The following PYROXD2 variants were observed in gnomAD, a reference collection of about 807,000 sequenced individuals.
The protein encoded by PYROXD2 is pyridine nucleotide-disulfide oxidoreductase domain-containing protein 2.
PYROXD2 carries 69 observed loss-of-function variants against 71.1 expected under a neutral mutation model. The observed-to-expected ratio is 0.97, with a 90% CI of 0.80 to 1.19. PYROXD2 has a LOEUF of 1.19. Ranked by LOEUF, PYROXD2 falls within the 50% of genes most tolerant of loss-of-function variation. The pLI, the probability that PYROXD2 is intolerant of heterozygous loss-of-function variation, is 0.00. For synonymous variants in PYROXD2, 287 were observed against 302.7 expected, an observed-to-expected ratio of 0.95 and a Z score of 0.54; for missense variants, 745 against 748.9, an observed-to-expected ratio of 0.99 and a Z score of 0.06.
In PYROXD2 at chr10:98,402,915, C is replaced by T. The variant is rs1474409591; in HGVS notation, c.316-2658G>A. ...ACAGTGTAGTTAATAAGCATTCCGT[C>T]GACTCTGAATAAATGAATGCTAGGT... is the stretch of plus-strand genomic sequence containing the variant. On this transcript the variant is annotated intron_variant, in intron 4 of 15. Coordinates refer to ENST00000370575, the MANE Select transcript of PYROXD2 (RefSeq NM_032709.3). Among the ~76,000 whole-genome samples, 6 of 152,144 alleles carry T rather than the reference C, an allele frequency of 3.9e-5. No individual in the cohort carries two copies. The East Asian group carries it at 5.8e-4, about 15-fold the overall frequency.
At position 98,392,567 on chromosome 10, in the gene PYROXD2, C is replaced by T. The variant is rs1842982541; in HGVS notation, c.928-1G>A. 2 of 1,610,130 alleles carry T rather than the reference C, an allele frequency of 1.2e-6. No individual in the cohort carries two copies. The highest frequency in any genetic ancestry group is 1.7e-6 in the Non-Finnish European group (2 of 1,179,938). On this transcript the variant is annotated splice_acceptor_variant, in intron 9 of 15. Transcript: ENST00000370575. LOFTEE classifies it high-confidence loss of function. ...TGTTCACCTGCACCTTCGCCACTGT[C>T]TAGAGCCCACCAGAACAAGGCCCCA...
rs1247471618 is a variant in PYROXD2, at chr10:98,387,269, C to A, written c.1486G>T (p.Asp496Tyr). Residue 496 changes from aspartate to tyrosine, a missense_variant, in exon 14 of 16, where the codon GAC (aspartate) becomes TAC (tyrosine). By Grantham distance (160) the Asp-to-Tyr change is radical (BLOSUM62 -3). Coordinates refer to ENST00000370575, the MANE Select transcript of PYROXD2 (RefSeq NM_032709.3). ...AGGATGTCTCTGCCAACCACAGAGT[C>A]CTTGAAGCCAGGGGCATAGACCTCG... ...CIEVYAPGFK[D>Y]SVVGRDILTP... is the part of the protein sequence containing the mutation. 6.2e-7 allele frequency: 1 copy of A among 1,614,136 alleles called. No individual in the cohort carries two copies. The highest frequency in any genetic ancestry group is 8.5e-7 in the Non-Finnish European group (1 of 1,180,014).
chr10:98,384,622 T>A, intron 15 of PYROXD2, among the ~76,000 whole-genome samples: 1 of 152,028 alleles, frequency 6.6e-6, no homozygotes, highest in Non-Finnish European at 1.5e-5. Context: ...TGTCTAAATA[T>A]ATATACGGAT....
intron 15 of PYROXD2, among the ~76,000 whole-genome samples, chr10:98,384,074 G>C (rs149553201): frequency 0.015 from 2,292 of 152,084 alleles, 60 homozygotes; most frequent in African/African-American, 0.052. Context: ...CTGGGGAGGG[G>C]CCAGGTCCAC....
At chr10:98,402,198 CTTA>C (rs1305244696) in intron 4 of PYROXD2, among the ~76,000 whole-genome samples, 1 of 152,122 alleles carries the variant, frequency 6.6e-6, no homozygotes, top group Non-Finnish European at 1.5e-5. Flanking sequence ...ACATGGCTGT[CTTA>C]TTATCCTCAT....
chr10:98,390,254 G>T (rs1399568886), intron 12 of PYROXD2, among the ~76,000 whole-genome samples: 1 of 152,198 alleles, frequency 6.6e-6, no homozygotes, highest in Non-Finnish European at 1.5e-5. Context: ...AGGGGACTCG[G>T]TGAGTGCGTG....
At chr10:98,398,906 TGG>T (rs1185241705) in intron 5 of PYROXD2, among the ~76,000 whole-genome samples, 1 of 150,734 alleles carries the variant, frequency 6.6e-6, no homozygotes, top group Non-Finnish European at 1.5e-5. Flanking sequence ...GAGGTGGAGG[TGG>T]GAGGATTGCT....
intron 12 of PYROXD2, 82 bp from the exon 13 acceptor site, chr10:98,388,590 G>A: frequency 7.3e-7 from 1 of 1,374,370 alleles, no homozygotes; most frequent in South Asian, 1.5e-5. Flanking sequence ...GGGACACAGT[G>A]GAGGCCCTGA....
chr10:98,403,378 AC>A (rs1465883490), intron 4 of PYROXD2, among the ~76,000 whole-genome samples: 1 of 151,554 alleles, frequency 6.6e-6, no homozygotes, highest in Non-Finnish European at 1.5e-5. Context: ...TCCACATGCG[AC>A]CCCCTCCTGT....
At chr10:98,410,629 T>G in intron 2 of PYROXD2, 5 of 434,846 alleles carry the variant, frequency 1.1e-5, no homozygotes, top group Middle Eastern at 5.8e-4. Flanking sequence ...TCATGCTGTG[T>G]TGGTTACATG....
intron 6 of PYROXD2, among the ~76,000 whole-genome samples, chr10:98,396,768 A>G (rs1038859242): frequency 6.6e-6 from 1 of 152,088 alleles, no homozygotes; most frequent in Non-Finnish European, 1.5e-5. Flanking sequence ...CTGAAAAGTG[A>G]GCCTCTCTAC....
At position 98,391,021 on chromosome 10, in the gene PYROXD2, G is replaced by C; in HGVS notation, c.1124C>G (p.Thr375Ser). The change falls in exon 11 of 16, where the codon ACC (threonine) becomes AGC (serine). Residue 375 changes from threonine (T) to serine (S), a missense_variant. Thr to Ser is a moderately conservative substitution (Grantham distance 58). Coordinates refer to ENST00000370575, the MANE Select transcript of PYROXD2 (RefSeq NM_032709.3). ...GGTGTGCCTCTTACCATTGATCTTG[G>C]TGACAGGCGACCGGGTGTCCAGCTG... is the stretch of plus-strand genomic sequence containing the variant. ...ISQLDTRSPV[T>S]KINVAVDRLP... The C allele has an allele frequency of 6.2e-7, 1 of 1,612,618 alleles. No homozygotes were observed. Among genetic ancestry groups the C allele is most frequent in the Admixed American group, 1.7e-5 (1 of 60,028 alleles).
intron 5 of PYROXD2, among the ~76,000 whole-genome samples, chr10:98,399,815 A>C (rs1400234085): frequency 6.6e-6 from 1 of 152,206 alleles, no homozygotes; most frequent in Non-Finnish European, 1.5e-5. Flanking sequence ...GTGCCAGTGC[A>C]TTTCCTCTTG....
intron 14 of PYROXD2, among the ~76,000 whole-genome samples, chr10:98,385,601 G>C (rs917048657): frequency 1.3e-5 from 2 of 152,224 alleles, no homozygotes; most frequent in Admixed American, 1.3e-4. Context: ...AGACTCAGGG[G>C]GCAGGTCTGG....
intron 9 of PYROXD2, 107 bp downstream of exon 9, chr10:98,392,835 C>T: frequency 7.5e-7 from 1 of 1,325,318 alleles, no homozygotes. Flanking sequence ...CCCATCCCCT[C>T]ATGGCCCCTC....
intron 4 of PYROXD2, among the ~76,000 whole-genome samples, chr10:98,404,191 T>A (rs1287640683): frequency 6.6e-6 from 1 of 152,228 alleles, no homozygotes; most frequent in East Asian, 1.9e-4. Flanking sequence ...TCGCCGAGTT[T>A]TGGCCAATCA....
rs551061598 is a variant in PYROXD2, at chr10:98,383,654, C to T, written c.*144G>A. ...AGGTCAACTTGCACTAAATGTAACT[C>T]GTACGTTTTTTCTAAAATAATTTCT... On this transcript the variant is annotated 3_prime_UTR_variant, in exon 16 of 16. Coordinates refer to ENST00000370575, the MANE Select transcript of PYROXD2 (RefSeq NM_032709.3). The T allele has an allele frequency of 1.1e-5, 8 of 728,208 alleles. No individual in the cohort carries two copies. Among genetic ancestry groups the T allele is most frequent in the East Asian group, 2.5e-5 (1 of 40,694 alleles). The allele number at this position is 728,208 out of a possible 1,614,324, so 45.1% of individuals were successfully genotyped here. A position where few individuals can be genotyped will look rare whatever the true frequency, so the allele number is the denominator to read the frequency against.
intron 5 of PYROXD2, among the ~76,000 whole-genome samples, chr10:98,399,226 G>A (rs1318926629): frequency 1.3e-5 from 2 of 152,214 alleles, no homozygotes; most frequent in Admixed American, 1.3e-4. Flanking sequence ...AACTGCTGGT[G>A]GAAGAGACAT....
At chr10:98,411,265 T>C in intron 1 of PYROXD2, 2 of 419,714 alleles carry the variant, frequency 4.8e-6, no homozygotes, top group Non-Finnish European at 8.6e-6. Context: ...TTCCATTGCT[T>C]GGGAGGCGCA....
Sources: gnomAD v4.1 joint callset for allele counts (sites outside exome capture counted in the v4.1 genomes callset) on GRCh38, gnomAD v4.1.1 for gene constraint, MANE v1.5 for transcripts, NCBI Gene and HGNC (gene_info 2026-07-23, HGNC 2026-07-21) for gene names.